Variants in ATF6 observed in about 807,000 individuals in gnomAD.
ATF6 encodes the protein cyclic AMP-dependent transcription factor ATF-6 alpha.
In ATF6, 53 loss-of-function variants were observed where a neutral mutation model predicts 83.6. The observed-to-expected ratio is 0.63, with a 90% CI of 0.51 to 0.80. The LOEUF (loss-of-function observed/expected upper bound fraction) is 0.80, where lower values mean the gene tolerates loss of function less well. Ranked by LOEUF, ATF6 falls within the 30% of genes least tolerant of loss-of-function variation. The pLI is 0.00. For missense variants in ATF6, 744 were observed against 797.9 expected (o/e 0.93, Z 0.81); for synonymous variants, 288 against 285.8 (o/e 1.01, Z -0.08).
At chr1:161,810,500 A>G (rs1402838974) in intron 7 of ATF6, among the ~76,000 whole-genome samples, 1 of 152,122 alleles carries the variant, frequency 6.6e-6, no homozygotes, top group Non-Finnish European at 1.5e-5. Context: ...TAGAGACACA[A>G]ATCTAGATCA....
At chr1:161,932,746 G>T (rs922680223) in intron 15 of ATF6, among the ~76,000 whole-genome samples, 2 of 152,158 alleles carry the variant, frequency 1.3e-5, no homozygotes, top group Admixed American at 6.5e-5. Flanking sequence ...TCTGCTCTAG[G>T]TCTCTCATGA....
chr1:161,958,562 C>G lies in ATF6; in HGVS notation c.1921C>G (p.Gln641Glu), dbSNP rs1254043570. The G allele has an allele frequency of 1.2e-6, 2 of 1,613,972 alleles. No individual in the cohort carries two copies. Among genetic ancestry groups the G allele is most frequent in the African/African-American group, 2.7e-5 (2 of 74,904 alleles). ...AGTTCCTCCTTACCTCCGAGATCAG[C>G]AGAGGAATCAAACCAACACCTTCTT... ...SSVPPYLRDQ[Q>E]RNQTNTFFGS... Residue 641 changes from glutamine (Q) to glutamate (E), a missense_variant, in exon 16 of 16, where the codon CAG becomes GAG. Transcript: ENST00000367942.
intron 6 of ATF6, among the ~76,000 whole-genome samples, chr1:161,793,943 T>C: frequency 6.6e-6 from 1 of 152,184 alleles, no homozygotes; most frequent in Non-Finnish European, 1.5e-5. Context: ...AGTCTCGCTG[T>C]GTTGCCAGGC....
At chr1:161,953,574 C>T (rs1047138089) in intron 15 of ATF6, among the ~76,000 whole-genome samples, 2 of 152,136 alleles carry the variant, frequency 1.3e-5, no homozygotes, top group Admixed American at 1.3e-4. Context: ...TTTTCCCTCC[C>T]TGCCTTTGGA....
chr1:161,768,554 TTTGTTGTTG>T (rs796902735), intron 1 of ATF6, among the ~76,000 whole-genome samples: 1 of 151,988 alleles, frequency 6.6e-6, no homozygotes, highest in African/African-American at 2.4e-5. Flanking sequence ...TTTACTTGAT[TTTGTTGTTG>T]TTGTTGTTGT....
intron 12 of ATF6, 47 bp from the exon 13 acceptor site, chr1:161,860,160 T>G (rs755373262): frequency 1.5e-6 from 2 of 1,366,054 alleles, no homozygotes; most frequent in South Asian, 2.7e-5. Flanking sequence ...AGATTTCATA[T>G]AATTTTGTGA....
In ATF6 at chr1:161,947,810, C is replaced by CTTTTTTTTTTTTTTT. The variant is rs10524670; in HGVS notation, c.1805-10619_1805-10605dup. 3.5e-4 allele frequency among the ~76,000 whole-genome samples: 20 copies of CTTTTTTTTTTTTTTT among 57,580 alleles called. 3 individuals are homozygous for CTTTTTTTTTTTTTTT. The highest frequency in any genetic ancestry group is 1.4e-3 in the African/African-American group (16 of 11,720). The allele number at this position is 57,580 out of a possible 152,430, so 37.8% of individuals were successfully genotyped here. ...ATATTCCATAGTCCTTAAGCCACGCCTTTTTTTTTTTTTTTTTTTTTTTTT... is the reference window on the plus strand; with the variant it reads ...ATATTCCATAGTCCTTAAGCCACGCCTTTTTTTTTTTTTTTTTTTTTTTTTTTTTTTTTTTTTTTT... On this transcript the variant is annotated intron_variant, in intron 15 of 15. Transcript: ENST00000367942.
At chr1:161,774,192 C>T (rs149322548) in intron 1 of ATF6, among the ~76,000 whole-genome samples, 588 of 152,264 alleles carry the variant, frequency 3.9e-3, no homozygotes, top group South Asian at 0.01. Context: ...CCTTCTTGCA[C>T]CATATGCTTG....
chr1:161,892,484 CTT>C (rs1687576134), intron 14 of ATF6, among the ~76,000 whole-genome samples: 1 of 152,182 alleles, frequency 6.6e-6, no homozygotes, highest in South Asian at 2.1e-4. Flanking sequence ...CCGTTTGTCT[CTT>C]TAAGTCTCTG....
At chr1:161,942,492 T>G (rs1688666970) in intron 15 of ATF6, among the ~76,000 whole-genome samples, 1 of 152,176 alleles carries the variant, frequency 6.6e-6, no homozygotes, top group Non-Finnish European at 1.5e-5. Context: ...GGTTAGGTAT[T>G]AATATCCCCA....
chr1:161,893,692 G>A (rs1283523647), intron 14 of ATF6, among the ~76,000 whole-genome samples: 1 of 152,112 alleles, frequency 6.6e-6, no homozygotes, highest in African/African-American at 2.4e-5. Context: ...AAAGTGCTGG[G>A]AACCCTAAAT....
rs1467377300 is a variant in ATF6 at position 161,960,844 on chromosome 1, C to G, written c.*2190C>G. 6.6e-6 allele frequency: 1 copy of G among 152,190 alleles called. No homozygotes were observed. The highest frequency in any genetic ancestry group is 2.4e-5 in the African/African-American group (1 of 41,432). The allele number at this position is 152,190 out of a possible 1,614,324, so 9.4% of individuals were successfully genotyped here. ...ATATTTCTTCTGGCCCTGCCCCTTC[C>G]CATTCTGTAATGTGAATTAGCCACA... On this transcript the variant is annotated 3_prime_UTR_variant, in exon 16 of 16. Coordinates refer to ENST00000367942, the MANE Select transcript of ATF6 (RefSeq NM_007348.4).
At chr1:161,785,984 T>C (rs1684738952) in intron 4 of ATF6, among the ~76,000 whole-genome samples, 2 of 152,018 alleles carry the variant, frequency 1.3e-5, no homozygotes, top group East Asian at 3.8e-4. Context: ...TCTTTTTTTT[T>C]TTTTGGAGAT....
chr1:161,801,209 T>C (rs932380869), intron 6 of ATF6, among the ~76,000 whole-genome samples: 1 of 152,108 alleles, frequency 6.6e-6, no homozygotes, highest in African/African-American at 2.4e-5. Context: ...TACCTCTGAA[T>C]ACTCAGAAAA....
intron 15 of ATF6, among the ~76,000 whole-genome samples, chr1:161,934,896 C>T (rs1340944623): frequency 6.6e-6 from 1 of 152,100 alleles, no homozygotes; most frequent in East Asian, 1.9e-4. Flanking sequence ...TAACCATTCC[C>T]AAGAAGTTTC....
intron 15 of ATF6, among the ~76,000 whole-genome samples, chr1:161,955,451 G>A (rs965846381): frequency 2.0e-5 from 3 of 152,150 alleles, no homozygotes; most frequent in Admixed American, 2.0e-4. Context: ...GCTCCTGGGT[G>A]CATACTATAT....
chr1:161,850,629 A>G (rs1686597631), intron 10 of ATF6, among the ~76,000 whole-genome samples: 1 of 152,136 alleles, frequency 6.6e-6, no homozygotes. Context: ...CTCATTCCCT[A>G]CTGGATTCTC....
chr1:161,866,963 T>C (rs1687015567), intron 14 of ATF6, among the ~76,000 whole-genome samples: 1 of 152,162 alleles, frequency 6.6e-6, no homozygotes, highest in Non-Finnish European at 1.5e-5. Flanking sequence ...TTGCCCAGGC[T>C]TGTCTTGAAC....
rs186145326 is a variant in ATF6 at position 161,937,463 on chromosome 1, C to T, written c.1805-20983C>T. Among the ~76,000 whole-genome samples, 19 of 151,528 alleles carry T rather than the reference C, an allele frequency of 1.3e-4. 1 individual carries two copies. The Middle Eastern group carries it at 0.01, about 82-fold the overall frequency. ...GGAATATTTGTGTCCCATTAAAATT[C>T]GTATGTTGAAATCTCTTCACTAATG... On this transcript the variant is annotated intron_variant, in intron 15 of 15. Coordinates refer to ENST00000367942, the MANE Select transcript of ATF6 (RefSeq NM_007348.4).
Sources: gnomAD v4.1 joint callset for allele counts (sites outside exome capture counted in the v4.1 genomes callset) on GRCh38, gnomAD v4.1.1 for gene constraint, MANE v1.5 for transcripts, NCBI Gene and HGNC (gene_info 2026-07-23, HGNC 2026-07-21) for gene names.